ESR2: variants seen among roughly 807,000 people sequenced by gnomAD.
ESR2 encodes the protein estrogen receptor 2, also known as estrogen receptor beta.
Under a neutral mutation model 49.6 loss-of-function variants are expected in ESR2, and 36 were observed. The ratio of observed to expected loss-of-function variants is 0.73; its 90% confidence interval spans 0.56 to 0.96. The LOEUF is 0.96. Ranked by LOEUF, ESR2 falls within the 40% of genes least tolerant of loss-of-function variation. ESR2 has a pLI of 0.00. For synonymous variants in ESR2, 320 were observed against 266.1 expected, an observed-to-expected ratio of 1.20 and a Z score of -1.97; for missense variants, 714 against 693.0, an observed-to-expected ratio of 1.03 and a Z score of -0.34.
intron 1 of ESR2, among the ~76,000 whole-genome samples, chr14:64,334,834 A>T (rs866493566): frequency 6.6e-6 from 1 of 152,130 alleles, no homozygotes; most frequent in South Asian, 2.1e-4. Flanking sequence ...TTTAGTAGAG[A>T]CGGGGTTTCA....
chr14:64,273,940 C>CA (rs1488929424), intron 3 of ESR2, among the ~76,000 whole-genome samples: 3 of 134,656 alleles, frequency 2.2e-5, no homozygotes, highest in Non-Finnish European at 3.1e-5. Context: ...TGCTGAGAGA[C>CA]TTTTTTTTTT....
In ESR2 at chr14:64,257,306, C is replaced by T. The variant is rs144986202; in HGVS notation, c.1011G>A (p.Glu337=). The T allele has an allele frequency of 2.6e-4, 425 of 1,614,060 alleles. No homozygotes were observed. The African/African-American group carries it at 5.3e-3, about 20-fold the overall frequency. The change falls in exon 6 of 9, where the codon GAG becomes GAA. Residue 337 remains glutamate (E), a synonymous_variant. Transcript: ENST00000341099. ...GCCACATCAGCCCCATCATTAACAC[C>T]TCCATCCAACAGCTCTCCAAGAGCC... is the stretch of plus-strand genomic sequence containing the variant. The part of the protein sequence containing the change: ...QVRLLESCWM[E]VLMMGLMWRS...
chr14:64,326,008 AT>A (rs1199710795), intron 1 of ESR2, among the ~76,000 whole-genome samples: 2 of 151,322 alleles, frequency 1.3e-5, no homozygotes, highest in Non-Finnish European at 2.9e-5. Flanking sequence ...TGATGGCCAT[AT>A]CCCCTAACCC....
At chr14:64,237,836 A>G (rs2075637982) in intron 7 of ESR2, among the ~76,000 whole-genome samples, 1 of 152,158 alleles carries the variant, frequency 6.6e-6, no homozygotes, top group African/African-American at 2.4e-5. Flanking sequence ...AAATCCATAG[A>G]GTCAGAAAAG....
intron 7 of ESR2, among the ~76,000 whole-genome samples, chr14:64,240,786 T>G (rs2075705734): frequency 6.6e-6 from 1 of 152,192 alleles, no homozygotes. Context: ...TATTATAAAA[T>G]AGGCTTTATA....
chr14:64,303,013 T>G (rs1279747831), intron 1 of ESR2, among the ~76,000 whole-genome samples: 3 of 152,108 alleles, frequency 2.0e-5, no homozygotes, highest in African/African-American at 7.2e-5. Context: ...TTGGCCAGGC[T>G]GGTCTCCAAC....
At chr14:64,239,484 A>C (rs527915762) in intron 7 of ESR2, among the ~76,000 whole-genome samples, 12 of 152,334 alleles carry the variant, frequency 7.9e-5, no homozygotes, top group African/African-American at 2.9e-4. Context: ...AAACTGTTTA[A>C]ATAGACTTGT....
chr14:64,300,921 T>A (rs2140864995), intron 1 of ESR2, among the ~76,000 whole-genome samples: 1 of 152,264 alleles, frequency 6.6e-6, no homozygotes, highest in African/African-American at 2.4e-5. Context: ...TATGAGGGTG[T>A]TTGCTCACAG....
At chr14:64,253,828 G>T (rs1178557770) in intron 6 of ESR2, among the ~76,000 whole-genome samples, 1 of 152,054 alleles carries the variant, frequency 6.6e-6, no homozygotes, top group Non-Finnish European at 1.5e-5. Context: ...GGACCTATCT[G>T]CAAATGTCCA....
At chr14:64,299,141 T>C (rs1042440857), upstream of ESR2, among the ~76,000 whole-genome samples, 4 of 151,258 alleles carry the variant, frequency 2.6e-5, no homozygotes, top group African/African-American at 9.7e-5. Context: ...AGTGTAATAT[T>C]CCCTGAAATG....
intron 1 of ESR2, among the ~76,000 whole-genome samples, chr14:64,287,188 A>G (rs1392792273): frequency 6.6e-6 from 1 of 152,140 alleles, no homozygotes; most frequent in Non-Finnish European, 1.5e-5. Context: ...ACTCTCTGTT[A>G]AACAAATTCC....
chr14:64,296,172 AGGGT>A (rs938676666), upstream of ESR2, among the ~76,000 whole-genome samples: 1 of 152,156 alleles, frequency 6.6e-6, no homozygotes, highest in African/African-American at 2.4e-5. Context: ...AAGATAGGTG[AGGGT>A]GAAGAAAATG....
In ESR2 at chr14:64,260,668, CCTT is replaced by C; in HGVS notation, c.730_732del (p.Lys244del). On this transcript the variant is annotated inframe_deletion, in exon 5 of 9. Transcript: ENST00000341099. ...GGCGCGTGGCCGCCACTTCTCTTGG[CCTT>C]GCCGGCACAGTGCAGCTGCTCGTCG... 6.2e-6 allele frequency: 10 copies of C among 1,603,620 alleles called. No individual in the cohort carries two copies. The highest frequency in any genetic ancestry group is 1.7e-4 in the Middle Eastern group (1 of 5,990).
At chr14:64,271,800 C>G (rs755446618) in intron 3 of ESR2, among the ~76,000 whole-genome samples, 1 of 152,190 alleles carries the variant, frequency 6.6e-6, no homozygotes, top group African/African-American at 2.4e-5. Flanking sequence ...TCTATATTCA[C>G]CTGTGGATGG....
chr14:64,273,280 T>G (rs2076486053), intron 3 of ESR2, among the ~76,000 whole-genome samples: 1 of 152,196 alleles, frequency 6.6e-6, no homozygotes, highest in Non-Finnish European at 1.5e-5. Flanking sequence ...TTAGACTTCT[T>G]CCTTTCCAAT....
rs2077037485 is a variant in ESR2 at position 64,302,476 on chromosome 14, C to T, written c.-90-19401G>A. ...TGCTGGGATTACAGGTGTGAGGCAC[C>T]GCGCCCGGCCTCACCTGGGTTGCTT... is the stretch of plus-strand genomic sequence containing the variant. On this transcript the variant is annotated intron_variant, in intron 1 of 8. Transcript: ENST00000358599. Among the ~76,000 whole-genome samples, 3 of 152,028 alleles carry T rather than the reference C, an allele frequency of 2.0e-5. No homozygotes were observed. In the South Asian group the frequency reaches 6.2e-4, roughly 32 times the overall value.
At chr14:64,256,053 A>C (rs750073594) in intron 6 of ESR2, among the ~76,000 whole-genome samples, 3 of 152,226 alleles carry the variant, frequency 2.0e-5, no homozygotes, top group Non-Finnish European at 2.9e-5. Flanking sequence ...ATTATAATGC[A>C]AGAGTTGGGG....
intron 7 of ESR2, among the ~76,000 whole-genome samples, chr14:64,248,395 G>A (rs963563196): frequency 6.7e-6 from 1 of 150,312 alleles, no homozygotes; most frequent in Non-Finnish European, 1.5e-5. Context: ...TGTATTCCAA[G>A]CTACTTGTGA....
At chr14:64,262,335 G>A (rs545869922) in intron 4 of ESR2, among the ~76,000 whole-genome samples, 1 of 151,972 alleles carries the variant, frequency 6.6e-6, no homozygotes, top group South Asian at 2.1e-4. Flanking sequence ...GGCTGGTCTC[G>A]AATTCCTGGG....
Sources: allele counts gnomAD v4.1 joint callset (sites outside exome capture counted in the v4.1 genomes callset), GRCh38; gene constraint gnomAD v4.1.1; transcripts MANE v1.5; gene names NCBI Gene and HGNC (gene_info 2026-07-23, HGNC 2026-07-21).